WARS1: variants seen among roughly 807,000 people sequenced by gnomAD.
WARS1 encodes tryptophan--tRNA ligase, cytoplasmic.
WARS1 carries 17 observed loss-of-function variants against 47.8 expected under a neutral mutation model. The ratio of observed to expected loss-of-function variants is 0.36; its 90% CI spans 0.24 to 0.53. WARS1 has a LOEUF of 0.53. WARS1 is among the 20% of genes least tolerant of loss of function. The pLI, the probability that WARS1 is intolerant of heterozygous loss-of-function variation, is 0.91. For missense variants in WARS1, 434 were observed against 608.0 expected (o/e 0.71, Z 3.01); for synonymous variants, 208 against 228.1 (o/e 0.91, Z 0.79).
At chr14:100,364,710 GAACAT>G (rs1895849816) in intron 2 of WARS1, among the ~76,000 whole-genome samples, 2 of 152,088 alleles carry the variant, frequency 1.3e-5, no homozygotes, top group Non-Finnish European at 2.9e-5. Context: ...CTAAAATAAT[GAACAT>G]AACTGCAGTC....
intron 9 of WARS1, 37 bp downstream of exon 9, chr14:100,342,361 A>T: frequency 1.9e-6 from 3 of 1,611,902 alleles, no homozygotes; most frequent in Non-Finnish European, 2.5e-6. Context: ...CATGTTTCTG[A>T]TCCCGCTGGC....
chr14:100,354,530 CTTA>C lies in WARS1; in HGVS notation c.456_458del (p.Asn152del). 1 of 1,613,744 alleles carries C rather than the reference CTTA, an allele frequency of 6.2e-7. No homozygotes were observed. The highest frequency in any genetic ancestry group is 8.5e-7 in the Non-Finnish European group (1 of 1,179,852). ...GGCCCGTGTACAGATAAAATGGCTT[CTTA>C]TTTTCATAGGCATCAAGAACCTGAT... On this transcript the variant is annotated inframe_deletion, in exon 5 of 11. Coordinates refer to ENST00000392882, the MANE Select transcript of WARS1 (RefSeq NM_004184.4).
intron 7 of WARS1, 114 bp downstream of exon 7, chr14:100,346,632 A>AG: frequency 1.2e-6 from 1 of 849,608 alleles, no homozygotes; most frequent in African/African-American, 1.7e-5. Context: ...TTAAAGAGAC[A>AG]GTTGCAAACG....
chr14:100,333,844 C>G lies in WARS1; in HGVS notation c.*1031G>C, dbSNP rs1893532056. ...TGGGTGACAGGAGGGCAGAGTGCTCCAGAGGAGACCCAGATACATCAACCA... is the reference window on the plus strand; with the variant it reads ...TGGGTGACAGGAGGGCAGAGTGCTCGAGAGGAGACCCAGATACATCAACCA... On this transcript the variant is annotated 3_prime_UTR_variant, in exon 11 of 11. Coordinates refer to ENST00000392882, the MANE Select transcript of WARS1 (RefSeq NM_004184.4). 1 of 152,692 alleles carries G rather than the reference C, an allele frequency of 6.5e-6. No individual in the cohort carries two copies. The highest frequency in any genetic ancestry group is 1.5e-5 in the Non-Finnish European group (1 of 68,096). 9.5% of individuals were successfully genotyped at this position (152,692 alleles called of 1,614,324 possible).
intron 10 of WARS1, among the ~76,000 whole-genome samples, chr14:100,335,771 A>G (rs1192691458): frequency 6.6e-6 from 1 of 152,186 alleles, no homozygotes; most frequent in Non-Finnish European, 1.5e-5. Context: ...AAGCAGCAGC[A>G]AAGTAAAGAA....
intron 2 of WARS1, among the ~76,000 whole-genome samples, chr14:100,366,401 T>G (rs934392915): frequency 6.6e-6 from 1 of 152,208 alleles, no homozygotes; most frequent in Non-Finnish European, 1.5e-5. Flanking sequence ...TCTTCCCCAA[T>G]GAAGAGTGCA....
In WARS1 at chr14:100,349,093, C is replaced by T. The variant is rs529448922; in HGVS notation, c.726-2247G>A. 3.5e-4 allele frequency among the ~76,000 whole-genome samples: 53 copies of T among 152,272 alleles called. 4 individuals carry two copies. In the South Asian group the frequency reaches 0.011, roughly 31 times the overall value. On this transcript the variant is annotated intron_variant, in intron 6 of 10. Coordinates refer to ENST00000392882, the MANE Select transcript of WARS1 (RefSeq NM_004184.4). Reference sequence around the variant, plus strand: ...ACATGTGGCTGAACCACCAGTTACCCCAGGGAGGGCACCTGCTTTTCACTC... The same window carrying T: ...ACATGTGGCTGAACCACCAGTTACCTCAGGGAGGGCACCTGCTTTTCACTC...
chr14:100,368,898 T>G (rs1246368160), intron 2 of WARS1, among the ~76,000 whole-genome samples, 189 bp downstream of exon 2: 1 of 151,924 alleles, frequency 6.6e-6, no homozygotes, highest in Non-Finnish European at 1.5e-5. Context: ...GAGGCAGAGG[T>G]TGCAGCAAGC....
chr14:100,343,001 C>T (rs556475148), intron 8 of WARS1, among the ~76,000 whole-genome samples: 5 of 152,250 alleles, frequency 3.3e-5, no homozygotes, highest in East Asian at 3.9e-4. Flanking sequence ...TCAAGCGAGG[C>T]GAGTAGCTGG....
At chr14:100,360,782 A>G (rs1895615482) in intron 3 of WARS1, 120 bp from the exon 4 acceptor site, 1 of 643,400 alleles carries the variant, frequency 1.6e-6, no homozygotes, top group Non-Finnish European at 2.6e-6. Context: ...AAACCTCTTT[A>G]GGCCTTCTGC....
At chr14:100,345,484 A>G (rs544516827) in intron 7 of WARS1, among the ~76,000 whole-genome samples, 4,282 of 151,920 alleles carry the variant, frequency 0.028, 198 homozygotes, top group African/African-American at 0.099. Context: ...AAGAGTCATC[A>G]CCACTCCCTA....
rs770480620 is a variant in WARS1 at position 100,342,603 on chromosome 14, G to A, written c.940-32C>T. ...GGAGAGTAAGGACCCTGATGAGGGC[G>A]GCCAGAAAACATGCCAGCTTTCAGC... On this transcript the variant is annotated intron_variant, in intron 8 of 10. Transcript: ENST00000392882. The A allele has an allele frequency of 8.9e-6, 14 of 1,575,738 alleles. No homozygotes were observed. The Admixed American group carries it at 1.4e-4, about 16-fold the overall frequency.
Position 100,373,229 on chromosome 14 carries a change from A to G in WARS1, c.-74+2054T>C, listed in dbSNP as rs1056492671. ...TTTTTCCTCTAAGGTTTATCCTTAG[A>G]ATGTCTTTACTTGTTCCAGTTGAAG... On this transcript the variant is annotated intron_variant, in intron 1 of 10. Transcript: ENST00000392882. This position sits in a 1 kb window ranked among gnomAD's most constrained non-coding sequence, Gnocchi z 4.4. Among the ~76,000 whole-genome samples, 10 of 152,162 alleles carry G rather than the reference A, an allele frequency of 6.6e-5. No homozygotes were observed. The highest frequency in any genetic ancestry group is 2.4e-4 in the African/African-American group (10 of 41,430).
At chr14:100,358,384 G>T (rs1022763111) in intron 4 of WARS1, among the ~76,000 whole-genome samples, 1 of 152,078 alleles carries the variant, frequency 6.6e-6, no homozygotes, top group African/African-American at 2.4e-5. Flanking sequence ...CGCCTGCCTT[G>T]GCCTCCCAAA....
At chr14:100,348,696 G>A (rs142090710) in intron 6 of WARS1, among the ~76,000 whole-genome samples, 1 of 152,260 alleles carries the variant, frequency 6.6e-6, no homozygotes, top group Non-Finnish European at 1.5e-5. Context: ...CTGGGGAGAT[G>A]GGCTGCAGCA....
intron 4 of WARS1, among the ~76,000 whole-genome samples, chr14:100,358,441 C>T (rs1895466967): frequency 6.6e-6 from 1 of 152,098 alleles, no homozygotes; most frequent in Admixed American, 6.5e-5. Context: ...CAAGAATAGT[C>T]TTTTCAAAAA....
At position 100,334,120 on chromosome 14, in the gene WARS1, C is replaced by T. The variant is rs573628275; in HGVS notation, c.*755G>A. 5.9e-5 allele frequency: 9 copies of T among 152,776 alleles called. No homozygotes were observed. The highest frequency in any genetic ancestry group is 1.9e-4 in the African/African-American group (8 of 41,560). The allele number at this position is 152,776 out of a possible 1,614,324, so 9.5% of individuals were successfully genotyped here. On this transcript the variant is annotated 3_prime_UTR_variant, in exon 11 of 11. Coordinates refer to ENST00000392882, the MANE Select transcript of WARS1 (RefSeq NM_004184.4). ...CGGACACAGTCAGGGGAAAAGCCAC[C>T]CTGACTCTGCAGGACAGAGGGTCTA...
intron 9 of WARS1, among the ~76,000 whole-genome samples, chr14:100,341,013 C>G (rs748742979): frequency 1.3e-5 from 2 of 150,164 alleles, no homozygotes; most frequent in Non-Finnish European, 3.0e-5. Flanking sequence ...CTTCCAGGGT[C>G]AAACAATTCT....
chr14:100,350,358 C>T (rs1341666295), intron 6 of WARS1, among the ~76,000 whole-genome samples: 1 of 125,970 alleles, frequency 7.9e-6, no homozygotes, highest in African/African-American at 3.0e-5. Flanking sequence ...TGCCACTGCT[C>T]TCCAGTTTGG....
Sources: gnomAD v4.1 joint callset for allele counts (sites outside exome capture counted in the v4.1 genomes callset) on GRCh38, gnomAD v4.1.1 for gene constraint, Gnocchi (gnomAD v3.1) non-coding constraint, MANE v1.5 for transcripts, NCBI Gene and HGNC (gene_info 2026-07-23, HGNC 2026-07-21) for gene names.